PTPRR: variants seen among roughly 807,000 people sequenced by gnomAD.
PTPRR encodes protein tyrosine phosphatase receptor type R.
Under a neutral mutation model 77.2 loss-of-function variants are expected in PTPRR, and 38 were observed. The ratio of observed to expected loss-of-function variants is 0.49; its 90% CI spans 0.38 to 0.65. The LOEUF is 0.65. Ranked by LOEUF, PTPRR falls within the 30% of genes least tolerant of loss-of-function variation. PTPRR has a pLI of 0.00. For missense variants in PTPRR, 744 were observed against 799.2 expected (o/e 0.93, Z 0.83); for synonymous variants, 299 against 283.1 (o/e 1.06, Z -0.57).
chr12:70,669,589 A>ACACACAC (rs1566056586), intron 10 of PTPRR, among the ~76,000 whole-genome samples: 1 of 102,830 alleles, frequency 9.7e-6, no homozygotes, highest in African/African-American at 5.5e-5. Flanking sequence ...CACACACACA[A>ACACACAC]GCTTGCACAC....
chr12:70,788,724 G>T, intron 2 of PTPRR: 3 of 879,590 alleles, frequency 3.4e-6, no homozygotes, highest in Non-Finnish European at 5.4e-6. Flanking sequence ...ACATTTACAT[G>T]AACAGATATA....
chr12:70,791,950 C>G (rs1891427896), intron 2 of PTPRR, among the ~76,000 whole-genome samples: 1 of 152,142 alleles, frequency 6.6e-6, no homozygotes, highest in South Asian at 2.1e-4. Flanking sequence ...AACCACATAT[C>G]TCAGAGGAAA....
intron 10 of PTPRR, among the ~76,000 whole-genome samples, chr12:70,678,879 A>T (rs932149925): frequency 6.6e-6 from 1 of 152,016 alleles, no homozygotes; most frequent in Non-Finnish European, 1.5e-5. Context: ...ACAGGGTTTC[A>T]CCATGTTGGC....
Position 70,765,904 on chromosome 12 carries a change from G to C in PTPRR, c.358-1126C>G, listed in dbSNP as rs997342950. Among the ~76,000 whole-genome samples, 11 of 152,264 alleles carry C rather than the reference G, an allele frequency of 7.2e-5. No homozygotes were observed. The East Asian group carries it at 1.5e-3, about 21-fold the overall frequency. On this transcript the variant is annotated intron_variant, in intron 2 of 13. Transcript: ENST00000283228. ...CCGCTGCTATTACCCAAGAAAACAG[G>C]GTCTGGAGTAGACCTCTAGAAAACT...
At chr12:70,888,312 C>T (rs577476251) in intron 2 of PTPRR, among the ~76,000 whole-genome samples, 43 of 152,240 alleles carry the variant, frequency 2.8e-4, no homozygotes, top group Admixed American at 5.2e-4. Context: ...TGAAAAAAAG[C>T]TATTCAATTG....
chr12:70,641,997 T>G (rs893992761), intron 13 of PTPRR, among the ~76,000 whole-genome samples: 6 of 152,222 alleles, frequency 3.9e-5, no homozygotes, highest in African/African-American at 1.4e-4. Flanking sequence ...CTCACCACTC[T>G]AGTCTCCCTC....
At chr12:70,880,710 A>C (rs1392192699) in intron 2 of PTPRR, among the ~76,000 whole-genome samples, 2 of 152,198 alleles carry the variant, frequency 1.3e-5, no homozygotes, top group Non-Finnish European at 2.9e-5. Context: ...GAATGTTTCA[A>C]GGAGCAAGAA....
intron 2 of PTPRR, among the ~76,000 whole-genome samples, chr12:70,824,773 G>C (rs1892080585): frequency 6.6e-6 from 1 of 152,130 alleles, no homozygotes; most frequent in Non-Finnish European, 1.5e-5. Flanking sequence ...ATCTGTGTAA[G>C]AGTAAAGATG....
At chr12:70,703,920 T>C (rs1299417065) in intron 6 of PTPRR, among the ~76,000 whole-genome samples, 1 of 152,078 alleles carries the variant, frequency 6.6e-6, no homozygotes, top group Non-Finnish European at 1.5e-5. Context: ...AAAGCAAACG[T>C]TTAATAGGTG....
chr12:70,783,459 T>G (rs907864957), intron 2 of PTPRR, among the ~76,000 whole-genome samples: 2 of 152,102 alleles, frequency 1.3e-5, no homozygotes, highest in Non-Finnish European at 2.9e-5. Context: ...CATTCTGTCC[T>G]CCTACTTTCA....
At chr12:70,897,524 T>C (rs1893451900) in intron 1 of PTPRR, among the ~76,000 whole-genome samples, 1 of 151,770 alleles carries the variant, frequency 6.6e-6, no homozygotes, top group African/African-American at 2.4e-5. Context: ...GGAGAGGATG[T>C]GGAGAAATAG....
intron 2 of PTPRR, among the ~76,000 whole-genome samples, chr12:70,837,040 T>C (rs947943727): frequency 6.6e-6 from 1 of 152,006 alleles, no homozygotes; most frequent in Non-Finnish European, 1.5e-5. Flanking sequence ...GTATAAAGCA[T>C]AATACTCCAA....
intron 6 of PTPRR, among the ~76,000 whole-genome samples, chr12:70,738,425 G>A (rs115973705): frequency 2.1e-3 from 324 of 152,272 alleles, no homozygotes; most frequent in African/African-American, 7.4e-3. Flanking sequence ...GATGGAGAGT[G>A]CTATATTACA....
chr12:70,708,941 A>C (rs1472949483), intron 6 of PTPRR, among the ~76,000 whole-genome samples: 1 of 152,066 alleles, frequency 6.6e-6, no homozygotes, highest in Admixed American at 6.6e-5. Flanking sequence ...ATTACAAATA[A>C]ATTAAATATA....
intron 13 of PTPRR, among the ~76,000 whole-genome samples, chr12:70,648,569 G>T (rs931942856): frequency 1.3e-5 from 2 of 152,178 alleles, no homozygotes; most frequent in Admixed American, 1.3e-4. Flanking sequence ...TACCAGAAAA[G>T]GTTGGAGATC....
intron 2 of PTPRR, among the ~76,000 whole-genome samples, chr12:70,819,006 G>A (rs1431595781): frequency 6.6e-6 from 1 of 152,142 alleles, no homozygotes; most frequent in Non-Finnish European, 1.5e-5. Context: ...CCACAGAAGA[G>A]GAGGAGTAAA....
At chr12:70,818,231 G>A (rs1363273167) in intron 2 of PTPRR, among the ~76,000 whole-genome samples, 5 of 119,090 alleles carry the variant, frequency 4.2e-5, no homozygotes, top group Admixed American at 9.8e-5. Context: ...GTGAAACTCC[G>A]TCTCAAAAAA....
chr12:70,857,449 T>C (rs949142368), intron 2 of PTPRR, among the ~76,000 whole-genome samples: 4 of 152,082 alleles, frequency 2.6e-5, no homozygotes, highest in African/African-American at 7.2e-5. Flanking sequence ...ACTGAGAAAG[T>C]AGAGAATGAG....
At chr12:70,919,673 G>GTTTTTTTTTTTTTTTTTTT (rs58439089) in intron 1 of PTPRR, among the ~76,000 whole-genome samples, 4 of 110,084 alleles carry the variant, frequency 3.6e-5, no homozygotes, top group Non-Finnish European at 7.6e-5. Flanking sequence ...AACTGTAATT[G>GTTTTTTTTTTTTTTTTTTT]TTTTTTTTTT....
Sources: allele counts gnomAD v4.1 joint callset (sites outside exome capture counted in the v4.1 genomes callset), GRCh38; gene constraint gnomAD v4.1.1; transcripts MANE v1.5; gene names NCBI Gene and HGNC (gene_info 2026-07-23, HGNC 2026-07-21).